Variants in PRKAG2 observed in about 807,000 individuals in gnomAD.
The protein encoded by PRKAG2 is protein kinase AMP-activated non-catalytic subunit gamma 2.
In PRKAG2, 26 loss-of-function variants were observed where a neutral mutation model predicts 69.6. That is an observed-to-expected ratio of 0.37 (90% CI 0.27 to 0.52). The LOEUF (loss-of-function observed/expected upper bound fraction) is 0.52. Among genes scored for constraint, PRKAG2 ranks in the 20% least tolerant of loss-of-function variants. The pLI, the probability that PRKAG2 is intolerant of heterozygous loss-of-function variation, is 0.90. For missense variants in PRKAG2, 557 were observed against 740.0 expected (o/e 0.75, Z 2.87); for synonymous variants, 293 against 285.0 (o/e 1.03, Z -0.28).
chr7:151,859,753 G>A (rs1442578662), intron 1 of PRKAG2, among the ~76,000 whole-genome samples: 1 of 152,192 alleles, frequency 6.6e-6, no homozygotes, highest in Non-Finnish European at 1.5e-5. Context: ...CCATCCTCTT[G>A]TCCCAGTGAG....
intron 6 of PRKAG2, among the ~76,000 whole-genome samples, chr7:151,584,133 C>G (rs1811097241): frequency 6.6e-6 from 1 of 152,240 alleles, no homozygotes; most frequent in South Asian, 2.1e-4. Flanking sequence ...ACTCCCTCCT[C>G]CCTGAACTCA....
chr7:151,700,972 A>G (rs1363018375), intron 3 of PRKAG2, among the ~76,000 whole-genome samples: 1 of 151,362 alleles, frequency 6.6e-6, no homozygotes, highest in Non-Finnish European at 1.5e-5. Context: ...GAGACCACAG[A>G]GCATTATGCA....
chr7:151,856,884 G>A (rs2151902711), intron 1 of PRKAG2, among the ~76,000 whole-genome samples: 1 of 152,198 alleles, frequency 6.6e-6, no homozygotes, highest in East Asian at 1.9e-4. Context: ...CAGGACAGCA[G>A]GCAGAAGACA....
intron 6 of PRKAG2, among the ~76,000 whole-genome samples, chr7:151,592,461 C>T (rs1813437372): frequency 6.6e-6 from 1 of 152,130 alleles, no homozygotes; most frequent in African/African-American, 2.4e-5. Context: ...AGCAGAAAAG[C>T]CAAGCCCGAG....
At chr7:151,868,355 G>T (rs2080129483) in intron 1 of PRKAG2, among the ~76,000 whole-genome samples, 1 of 152,196 alleles carries the variant, frequency 6.6e-6, no homozygotes, top group African/African-American at 2.4e-5. Flanking sequence ...CCTCTGGTCT[G>T]GGGGCATAAG....
At position 151,556,777 on chromosome 7, in the gene PRKAG2, A is replaced by T. The variant is rs1803861962; in HGVS notation, c.*424T>A. 5.8e-6 allele frequency: 1 copy of T among 171,624 alleles called. No individual in the cohort carries two copies. The highest frequency in any genetic ancestry group is 2.4e-5 in the African/African-American group (1 of 41,808). The allele number at this position is 171,624 out of a possible 1,614,324, so 10.6% of individuals were successfully genotyped here. A position where few individuals can be genotyped will look rare whatever the true frequency, so the allele number is the denominator to read the frequency against. ...AAAGGTTCAAAGACTTCCACATTCA[A>T]GCTCGGTGTTGTTTCACACGCGTGC... On this transcript the variant is annotated 3_prime_UTR_variant, in exon 16 of 16. Transcript: ENST00000287878.
chr7:151,713,739 C>A (rs1224592546), intron 3 of PRKAG2, among the ~76,000 whole-genome samples: 1 of 151,992 alleles, frequency 6.6e-6, no homozygotes, highest in East Asian at 1.9e-4. Context: ...GCCACCACAC[C>A]CAGTTAATTT....
intron 3 of PRKAG2, chr7:151,736,416 A>G: frequency 1.0e-6 from 1 of 984,182 alleles, no homozygotes; most frequent in Non-Finnish European, 1.2e-6. Context: ...CTTAAAATTA[A>G]AAAAAGGAGG....
chr7:151,748,829 C>T (rs1056605537), intron 3 of PRKAG2, among the ~76,000 whole-genome samples: 3 of 152,254 alleles, frequency 2.0e-5, no homozygotes, highest in Admixed American at 6.5e-5. Context: ...AAAGAACATC[C>T]GTGCCGTGCC....
chr7:151,618,894 T>G (rs1344062121), intron 5 of PRKAG2, among the ~76,000 whole-genome samples: 1 of 152,250 alleles, frequency 6.6e-6, no homozygotes, highest in African/African-American at 2.4e-5. Flanking sequence ...AAATGAAGTC[T>G]GTTACTTTTT....
At chr7:151,858,515 A>C (rs901302108) in intron 1 of PRKAG2, among the ~76,000 whole-genome samples, 2 of 152,088 alleles carry the variant, frequency 1.3e-5, no homozygotes, top group African/African-American at 4.8e-5. Context: ...AAATACCCAT[A>C]TCTCCCACAC....
intron 3 of PRKAG2, among the ~76,000 whole-genome samples, chr7:151,776,686 A>G (rs1266190059): frequency 2.0e-5 from 3 of 152,210 alleles, no homozygotes; most frequent in African/African-American, 4.8e-5. Flanking sequence ...CTCACAGACC[A>G]CACTCAGGCC....
intron 2 of PRKAG2, among the ~76,000 whole-genome samples, chr7:151,783,152 T>C (rs1162806708): frequency 6.6e-6 from 1 of 152,146 alleles, no homozygotes; most frequent in Non-Finnish European, 1.5e-5. Flanking sequence ...AGGATGCCCG[T>C]GGCGTGGACC....
rs1254558778 is a variant in PRKAG2 at position 151,835,427 on chromosome 7, C to T, written c.114+41080G>A. ...CAGGCTGGTCTCGAACTCCTTGGCT[C>T]AAGTGATCCTCCCACCTCGGCCCCA... On this transcript the variant is annotated intron_variant, in intron 1 of 15. Transcript: ENST00000287878. The surrounding 1 kb of genome is among the most constrained non-coding windows in gnomAD (Gnocchi z 4.1). Among the ~76,000 whole-genome samples the T allele has an allele frequency of 6.6e-6, 1 of 152,012 alleles. No individual in the cohort carries two copies. Among genetic ancestry groups the T allele is most frequent in the African/African-American group, 2.4e-5 (1 of 41,378 alleles).
At chr7:151,560,083 AG>A in intron 15 of PRKAG2, 1 of 984,864 alleles carries the variant, frequency 1.0e-6, no homozygotes, top group Non-Finnish European at 1.2e-6. Flanking sequence ...AATGAATAAA[AG>A]TTTGTGTTTA....
intron 5 of PRKAG2, 85 bp downstream of exon 5, chr7:151,631,984 T>C: frequency 8.9e-7 from 1 of 1,122,072 alleles, no homozygotes; most frequent in Non-Finnish European, 1.1e-6. Context: ...GCGCCGGAGA[T>C]GGGGCGCGGG....
chr7:151,876,887 AC>A lies in PRKAG2; in HGVS notation c.-268del, dbSNP rs2080418456. On this transcript the variant is annotated 5_prime_UTR_variant, in exon 1 of 16. The change abolishes the stop of an existing upstream ORF in the 5' untranslated region. Coordinates refer to ENST00000287878, the MANE Select transcript of PRKAG2 (RefSeq NM_016203.4). ...CCCGGTTCTGGTGTCTCCCCGGGTT[AC>A]TCGTGGCTGAGGTCTCCCGCTGGGT... The A allele has an allele frequency of 1.8e-6, 1 of 546,478 alleles. No homozygotes were observed. Among genetic ancestry groups the A allele is most frequent in the South Asian group, 2.1e-5 (1 of 47,708 alleles). 33.9% of individuals were successfully genotyped at this position (546,478 alleles called of 1,614,324 possible).
chr7:151,599,773 C>A (rs1815565070), intron 5 of PRKAG2, among the ~76,000 whole-genome samples: 1 of 152,184 alleles, frequency 6.6e-6, no homozygotes, highest in African/African-American at 2.4e-5. Context: ...TGCTGTGCAG[C>A]CCATTTCCTA....
At chr7:151,608,685 C>T (rs546441171) in intron 5 of PRKAG2, among the ~76,000 whole-genome samples, 15 of 151,908 alleles carry the variant, frequency 9.9e-5, no homozygotes, top group African/African-American at 2.7e-4. Flanking sequence ...AAATGAAGCA[C>T]GCAGGTTTAA....
Sources: gnomAD v4.1 joint callset for allele counts (sites outside exome capture counted in the v4.1 genomes callset) on GRCh38, gnomAD v4.1.1 for gene constraint, Gnocchi (gnomAD v3.1) non-coding constraint, MANE v1.5 for transcripts, NCBI Gene and HGNC (gene_info 2026-07-23, HGNC 2026-07-21) for gene names.